SCOC: variants seen among roughly 807,000 people sequenced by gnomAD.
SCOC encodes the protein short coiled-coil protein, also known as short coiled coil protein.
In SCOC, 7 loss-of-function variants were observed where a neutral mutation model predicts 9.9. The observed-to-expected ratio is 0.71, with a 90% CI of 0.40 to 1.33. The LOEUF (loss-of-function observed/expected upper bound fraction) is 1.33, where lower values mean the gene tolerates loss of function less well. Ranked by LOEUF, SCOC falls within the 40% of genes most tolerant of loss-of-function variation. SCOC has a pLI of 0.01. For missense variants in SCOC, 66 were observed against 89.7 expected (o/e 0.74, Z 1.07); for synonymous variants, 19 against 28.2 (o/e 0.67, Z 1.03).
In SCOC at chr4:140,367,236, C is replaced by CATAA. The variant is rs370355272; in HGVS notation, c.71-11863_71-11860dup. Among the ~76,000 whole-genome samples the CATAA allele has an allele frequency of 6.9e-3, 1,042 of 151,970 alleles. 6 individuals carry two copies. The highest frequency in any genetic ancestry group is 0.011 in the East Asian group (55 of 5,170). ...TGGGTGACAGAGTAAGACCATTTCT[C>CATAA]ATAAATAAATAAATAAATAAATAAA... On this transcript the variant is annotated intron_variant, in intron 2 of 4. Coordinates refer to the SCOC transcript ENST00000338517.
chr4:140,285,061 A>G (rs1731226326), intron 1 of SCOC: 8 of 404,478 alleles, frequency 2.0e-5, no homozygotes, highest in South Asian at 1.5e-4. Flanking sequence ...AAAGCTTTCC[A>G]TGCATTATTT....
chr4:140,275,766 A>G (rs1371738819), intron 1 of SCOC, among the ~76,000 whole-genome samples: 1 of 151,294 alleles, frequency 6.6e-6, no homozygotes, highest in Non-Finnish European at 1.5e-5. Flanking sequence ...AATGAACTGC[A>G]TATTAGGGAG....
chr4:140,367,880 C>T lies in SCOC; in HGVS notation c.71-11241C>T, dbSNP rs554896937. ...CAAAAGCTGGATGGTCAGACACAAT[C>T]TTACCAGCAAAGATTGACTCTTAAA... On this transcript the variant is annotated intron_variant, in intron 2 of 4. Coordinates refer to the SCOC transcript ENST00000338517. Among the ~76,000 whole-genome samples, 57 of 152,312 alleles carry T rather than the reference C, an allele frequency of 3.7e-4. No homozygotes were observed. The Middle Eastern group carries it at 0.02, about 55-fold the overall frequency.
chr4:140,307,988 T>G (rs981717667), intron 1 of SCOC, among the ~76,000 whole-genome samples: 1 of 152,184 alleles, frequency 6.6e-6, no homozygotes, highest in African/African-American at 2.4e-5. Flanking sequence ...GACATGATTC[T>G]TACTCTTATG....
intron 2 of SCOC, among the ~76,000 whole-genome samples, chr4:140,351,105 G>A (rs550211222): frequency 1.3e-5 from 2 of 151,816 alleles, no homozygotes; most frequent in South Asian, 2.1e-4. Context: ...CAGGGGAATC[G>A]CTTAAACCCG....
At chr4:140,348,220 C>T (rs1338412201) in intron 2 of SCOC, among the ~76,000 whole-genome samples, 1 of 152,064 alleles carries the variant, frequency 6.6e-6, no homozygotes, top group East Asian at 1.9e-4. Context: ...TTGTTTTTAA[C>T]TATAGTTGCC....
intron 1 of SCOC, among the ~76,000 whole-genome samples, chr4:140,338,127 T>G (rs1733012014): frequency 6.6e-6 from 1 of 152,216 alleles, no homozygotes; most frequent in African/African-American, 2.4e-5. Context: ...ATCCCTGGGA[T>G]GCAAGGCTGG....
intron 1 of SCOC, among the ~76,000 whole-genome samples, chr4:140,328,427 A>G (rs1377625675): frequency 6.6e-6 from 1 of 152,180 alleles, no homozygotes; most frequent in East Asian, 1.9e-4. Flanking sequence ...GTGTAGGATA[A>G]TAATTTCTGT....
intron 1 of SCOC, among the ~76,000 whole-genome samples, chr4:140,297,273 G>A (rs1014834948): frequency 1.1e-4 from 16 of 151,108 alleles, no homozygotes; most frequent in Middle Eastern, 3.2e-3. Context: ...TGACTGTGGG[G>A]GGGGGGGCAC....
At chr4:140,346,432 T>C (rs1195361533) in intron 2 of SCOC, among the ~76,000 whole-genome samples, 1 of 152,160 alleles carries the variant, frequency 6.6e-6, no homozygotes, top group Admixed American at 6.6e-5. Context: ...GTGTGACTGG[T>C]CAGACCTATC....
chr4:140,332,141 C>A (rs1009608993), intron 1 of SCOC, among the ~76,000 whole-genome samples: 8 of 152,118 alleles, frequency 5.3e-5, no homozygotes, highest in African/African-American at 1.9e-4. Flanking sequence ...CAACCGCCTG[C>A]TACCAGGCCC....
chr4:140,264,878 A>G (rs1334776628), intron 1 of SCOC, among the ~76,000 whole-genome samples: 1 of 152,170 alleles, frequency 6.6e-6, no homozygotes, highest in African/African-American at 2.4e-5. Flanking sequence ...GTGGTTCCCC[A>G]TTTCAGAAAG....
At chr4:140,283,045 C>A (rs1361460500) in intron 1 of SCOC, among the ~76,000 whole-genome samples, 2 of 152,174 alleles carry the variant, frequency 1.3e-5, no homozygotes, top group African/African-American at 4.8e-5. Flanking sequence ...AAGTTTGTTT[C>A]TTTTCATTGC....
chr4:140,345,775 G>C (rs766516794), intron 2 of SCOC, among the ~76,000 whole-genome samples: 2 of 152,158 alleles, frequency 1.3e-5, no homozygotes, highest in Non-Finnish European at 2.9e-5. Context: ...GGGAGGCCCA[G>C]AGAGTCTAAA....
upstream of SCOC, chr4:140,373,361 G>A (rs1728145118): frequency 6.9e-7 from 1 of 1,440,144 alleles, no homozygotes; most frequent in East Asian, 2.5e-5. Flanking sequence ...TGATAGACCT[G>A]ATGAGCCGCT....
At chr4:140,340,808 T>TTTTTTTTTTTTTTTTTC (rs140552446), upstream of SCOC, among the ~76,000 whole-genome samples, 1 of 111,814 alleles carries the variant, frequency 8.9e-6, no homozygotes, top group Non-Finnish European at 1.8e-5. Context: ...TTTTTTTTTT[T>TTTTTTTTTTTTTTTTTC]AGAGGGATAG....
intron 1 of SCOC, among the ~76,000 whole-genome samples, chr4:140,266,987 C>T (rs963262821): frequency 6.6e-6 from 1 of 152,190 alleles, no homozygotes; most frequent in African/African-American, 2.4e-5. Context: ...TGGAGTCTCC[C>T]TCCCTTCCCT....
chr4:140,270,039 C>T (rs1730807953), intron 1 of SCOC, among the ~76,000 whole-genome samples: 1 of 152,186 alleles, frequency 6.6e-6, no homozygotes, highest in Non-Finnish European at 1.5e-5. Context: ...GCATGAACCA[C>T]CATGCCCAGA....
intron 2 of SCOC, among the ~76,000 whole-genome samples, chr4:140,365,015 C>T (rs555009584): frequency 2.6e-5 from 4 of 151,982 alleles, no homozygotes; most frequent in Non-Finnish European, 5.9e-5. Context: ...ATGATTACAC[C>T]ATTGAAGATG....
Sources: allele counts gnomAD v4.1 joint callset (sites outside exome capture counted in the v4.1 genomes callset), GRCh38; gene constraint gnomAD v4.1.1; transcripts MANE v1.5; gene names NCBI Gene and HGNC (gene_info 2026-07-23, HGNC 2026-07-21).